Variants in DPF2 observed in about 807,000 individuals in gnomAD.
The protein encoded by DPF2 is zinc finger protein ubi-d4.
DPF2 carries 10 observed loss-of-function variants against 59.6 expected under a neutral mutation model. The observed-to-expected ratio is 0.17, with a 90% CI of 0.10 to 0.28. DPF2 has a LOEUF of 0.28. Among genes scored for constraint, DPF2 ranks in the 10% least tolerant of loss-of-function variants. DPF2 has a pLI of 1.00. For missense variants in DPF2, 315 were observed against 509.4 expected (o/e 0.62, Z 3.67); for synonymous variants, 189 against 190.6 (o/e 0.99, Z 0.07).
intron 6 of DPF2, 33 bp downstream of exon 6, chr11:65,344,102 G>A: frequency 6.2e-7 from 1 of 1,606,482 alleles, no homozygotes; most frequent in Non-Finnish European, 8.5e-7. Flanking sequence ...GGTAGACCTT[G>A]CCTTGGACCC....
chr11:65,337,541 A>AAAGAGAGG (rs1229545700), intron 1 of DPF2, among the ~76,000 whole-genome samples: 15 of 137,280 alleles, frequency 1.1e-4, no homozygotes, highest in African/African-American at 3.6e-4. Flanking sequence ...AGAGAGAGAG[A>AAAGAGAGG]GAGAGAACAA....
intron 1 of DPF2, among the ~76,000 whole-genome samples, chr11:65,336,520 G>A (rs1039349073): frequency 1.3e-5 from 2 of 151,554 alleles, no homozygotes; most frequent in Admixed American, 6.6e-5. Context: ...TGTTGGGCGC[G>A]GTGGCTCATG....
In DPF2 at chr11:65,337,716, A is replaced by G. The variant is rs370555530; in HGVS notation, c.33-2669A>G. ...CTTCCTAGGCTCAAATGATTCCCCT[A>G]CCTCATCCGCCCCAGGGGCTACGTG... On this transcript the variant is annotated intron_variant, in intron 1 of 10. Coordinates refer to ENST00000528416, the MANE Select transcript of DPF2 (RefSeq NM_006268.5). Among the ~76,000 whole-genome samples the G allele has an allele frequency of 7.5e-4, 113 of 151,452 alleles. 4 individuals carry two copies. The South Asian group carries it at 0.023, about 31-fold the overall frequency.
At chr11:65,336,059 C>T (rs375718927) in intron 1 of DPF2, among the ~76,000 whole-genome samples, 4 of 151,908 alleles carry the variant, frequency 2.6e-5, no homozygotes, top group Non-Finnish European at 5.9e-5. Context: ...GGAGTTCACC[C>T]GCCTCGGCCT....
In DPF2 at chr11:65,346,379, C is replaced by A; in HGVS notation, c.1017+20C>A. 2 of 1,602,684 alleles carry A rather than the reference C, an allele frequency of 1.2e-6. No individual in the cohort carries two copies. Among genetic ancestry groups the A allele is most frequent in the Non-Finnish European group, 1.7e-6 (2 of 1,174,128 alleles). On this transcript the variant is annotated intron_variant, in intron 9 of 10. Transcript: ENST00000528416. ...AATGACGTGTGTATCCCCGCCCCCT[C>A]CTCAGCATGGCTCCTTCTGGGCTTT...
rs773339078 is a variant in DPF2, at chr11:65,346,323, C to T, written c.981C>T (p.Cys327=). The part of the protein sequence containing the change: ...VKTYRWQCIE[C]KCCNICGTSE... Reference sequence around the variant, plus strand: ...CATACCGCTGGCAGTGCATCGAGTGCAAATGTTGCAATATCTGCGGCACCT... The same window carrying T: ...CATACCGCTGGCAGTGCATCGAGTGTAAATGTTGCAATATCTGCGGCACCT... Residue 327 remains cysteine, a synonymous_variant, in exon 9 of 11, where the codon TGC becomes TGT. Transcript: ENST00000528416. 2 of 1,613,752 alleles carry T rather than the reference C, an allele frequency of 1.2e-6. No individual in the cohort carries two copies. The highest frequency in any genetic ancestry group is 1.7e-6 in the Non-Finnish European group (2 of 1,180,010).
intron 10 of DPF2, among the ~76,000 whole-genome samples, chr11:65,350,571 G>A (rs1470415567): frequency 6.7e-6 from 1 of 150,078 alleles, no homozygotes; most frequent in African/African-American, 2.4e-5. Context: ...TAGTAGAGAC[G>A]GGGTTTTGCC....
chr11:65,341,222 G>C, intron 3 of DPF2, 149 bp downstream of exon 3: 1 of 1,250,374 alleles, frequency 8.0e-7, no homozygotes, highest in Non-Finnish European at 1.1e-6. Flanking sequence ...CAGTCTAGAA[G>C]GGGAGACAGG....
intron 8 of DPF2, 78 bp from the exon 9 acceptor site, chr11:65,346,169 A>C: frequency 1.9e-6 from 3 of 1,596,748 alleles, no homozygotes; most frequent in Non-Finnish European, 2.6e-6. Flanking sequence ...AACCAAGAGA[A>C]GATGTAGCCA....
Position 65,353,694 on chromosome 11 carries a change from A to G in DPF2, c.*1935A>G, listed in dbSNP as rs1205574685. Among the ~76,000 whole-genome samples the G allele has an allele frequency of 2.6e-5, 4 of 152,252 alleles. No homozygotes were observed. Among genetic ancestry groups the G allele is most frequent in the African/African-American group, 9.6e-5 (4 of 41,462 alleles). On this transcript the variant is annotated 3_prime_UTR_variant, in exon 11 of 11. Coordinates refer to ENST00000528416, the MANE Select transcript of DPF2 (RefSeq NM_006268.5). Reference sequence around the variant, plus strand: ...AAGGAAAGATTTGAATCAAGCAGTTATGGGCCCCCTGAAGTATCCTTTTTT... The same window carrying G: ...AAGGAAAGATTTGAATCAAGCAGTTGTGGGCCCCCTGAAGTATCCTTTTTT...
rs1425359717 is a variant in DPF2 at position 65,344,712 on chromosome 11, T to C, written c.637+643T>C. The stretch of plus-strand genomic sequence containing the variant: ...CTGCCTTTCTCATTTCCTGGGATGC[T>C]AGCTTTAAAATCTCTGGAATGGCAT... On this transcript the variant is annotated intron_variant, in intron 6 of 10. Transcript: ENST00000528416. 6.4e-6 allele frequency: 9 copies of C among 1,398,430 alleles called. No individual in the cohort carries two copies. In the Admixed American group the frequency reaches 1.8e-4, roughly 29 times the overall value. The allele number at this position is 1,398,430 out of a possible 1,614,324, so 86.6% of individuals were successfully genotyped here.
chr11:65,341,781 G>T (rs1329048082), intron 4 of DPF2: 1 of 558,762 alleles, frequency 1.8e-6, no homozygotes, highest in South Asian at 2.8e-5. Flanking sequence ...TATCACAGAA[G>T]GTTATTATTA....
At position 65,341,460 on chromosome 11, in the gene DPF2, T is replaced by C. The variant is rs1014336800; in HGVS notation, c.363T>C (p.Ala121=). ...CTCAGGATGGCAGTAGTTTAGAGGC[T>C]CTGTTGCGCACTGACCCCCTGGAGA... ...LISQDGSSLE[A]LLRTDPLEKR... Residue 121 remains alanine (A), a synonymous_variant, in exon 4 of 11, where the codon GCT becomes GCC. Coordinates refer to ENST00000528416, the MANE Select transcript of DPF2 (RefSeq NM_006268.5). The C allele has an allele frequency of 6.2e-7, 1 of 1,614,192 alleles. No homozygotes were observed. The highest frequency in any genetic ancestry group is 2.2e-5 in the East Asian group (1 of 44,896).
In DPF2 at chr11:65,346,743, C is replaced by T. The variant is rs1040479928; in HGVS notation, c.1017+384C>T. 3.1e-5 allele frequency: 5 copies of T among 162,030 alleles called. No homozygotes were observed. In the South Asian group the frequency reaches 8.2e-4, roughly 27 times the overall value. The allele number at this position is 162,030 out of a possible 1,614,324, so 10.0% of individuals were successfully genotyped here. A position where few individuals can be genotyped will look rare whatever the true frequency, so the allele number is the denominator to read the frequency against. ...TTTATTTTGATGGTCAGGTATGGCT[C>T]TTCTGGGAGGGTGATGCTGGTGTTG... On this transcript the variant is annotated intron_variant, in intron 9 of 10. Transcript: ENST00000528416.
chr11:65,334,241 C>T (rs1565523111), intron 1 of DPF2, among the ~76,000 whole-genome samples: 1 of 152,222 alleles, frequency 6.6e-6, no homozygotes, highest in African/African-American at 2.4e-5. Flanking sequence ...CGGTCCTCTC[C>T]CGAGACGCCT....
chr11:65,346,124 T>C (rs1247840884), intron 8 of DPF2, 66 bp downstream of exon 8: 6 of 1,606,644 alleles, frequency 3.7e-6, no homozygotes, highest in South Asian at 1.1e-5. Flanking sequence ...TGCTGGCCTC[T>C]AGGGCTGTCA....
In DPF2 at chr11:65,352,348, T is replaced by C; in HGVS notation, c.*589T>C. 1 of 154,250 alleles carries C rather than the reference T, an allele frequency of 6.5e-6. No homozygotes were observed. The highest frequency in any genetic ancestry group is 1.4e-5 in the Non-Finnish European group (1 of 69,200). The allele number at this position is 154,250 out of a possible 1,614,324, so 9.6% of individuals were successfully genotyped here. ...CGGTCACCCTCCTGGTTCTGCCCTG[T>C]CCCATTCCACCCCACCCCAGGGGGA... On this transcript the variant is annotated 3_prime_UTR_variant, in exon 11 of 11. Transcript: ENST00000528416.
Position 65,345,549 on chromosome 11 carries a change from T to C in DPF2, c.638-117T>C, listed in dbSNP as rs1369307885. On this transcript the variant is annotated intron_variant, in intron 6 of 10. Transcript: ENST00000528416. The stretch of plus-strand genomic sequence containing the variant: ...CTCAAGGCCTGTCCCAGAGTGGAGC[T>C]GCTAGGGGAAGGGATGGTTGCCCTC... 9 of 1,432,480 alleles carry C rather than the reference T, an allele frequency of 6.3e-6. No homozygotes were observed. In the African/African-American group the frequency reaches 1.3e-4, roughly 20 times the overall value. 88.7% of individuals were successfully genotyped at this position (1,432,480 alleles called of 1,614,324 possible).
chr11:65,337,543 A>AGAGAGAGAGAGG (rs1449977686), intron 1 of DPF2, among the ~76,000 whole-genome samples: 39 of 137,502 alleles, frequency 2.8e-4, no homozygotes, highest in African/African-American at 8.8e-4. Context: ...AGAGAGAGAG[A>AGAGAGAGAGAGG]GAGAACAATG....
Sources: gnomAD v4.1 joint callset for allele counts (sites outside exome capture counted in the v4.1 genomes callset) on GRCh38, gnomAD v4.1.1 for gene constraint, MANE v1.5 for transcripts, NCBI Gene and HGNC (gene_info 2026-07-23, HGNC 2026-07-21) for gene names.